SYNE1: variants seen among roughly 807,000 people sequenced by gnomAD.
The protein encoded by SYNE1 is nesprin-1.
A neutral mutation model predicts 1,111.0 loss-of-function variants in SYNE1; 616 were observed. The observed-to-expected ratio is 0.55, with a 90% CI of 0.52 to 0.59. SYNE1 has a LOEUF of 0.59. SYNE1 is among the 20% of genes least tolerant of loss of function. The probability of loss-of-function intolerance (pLI) is 0.00; values close to 1 mark genes in which losing one functional copy is unlikely to be tolerated. For synonymous variants in SYNE1, 3,855 were observed against 3,825.8 expected, an observed-to-expected ratio of 1.01 and a Z score of -0.28; for missense variants, 10,006 against 10,417.0, an observed-to-expected ratio of 0.96 and a Z score of 1.72.
chr6:152,253,996 A>T (rs2090189685), intron 104 of SYNE1, among the ~76,000 whole-genome samples: 1 of 151,472 alleles, frequency 6.6e-6, no homozygotes, highest in Admixed American at 6.6e-5. Context: ...AGGAATGAAA[A>T]ATCAGCACTA....
chr6:152,256,531 G>T, intron 102 of SYNE1, 103 bp downstream of exon 102: 1 of 1,497,976 alleles, frequency 6.7e-7, no homozygotes. Context: ...TGGGTCTCAT[G>T]CTCAGGGGTG....
At chr6:152,573,239 T>A (rs1022003050) in intron 3 of SYNE1, among the ~76,000 whole-genome samples, 8 of 152,010 alleles carry the variant, frequency 5.3e-5, no homozygotes, top group Admixed American at 2.0e-4. Context: ...CGTGCAGGTT[T>A]GTTACATATG....
rs769399873 is a variant in SYNE1, at chr6:152,353,658, C to T, written c.11013G>A (p.Val3671=). 6.2e-7 allele frequency: 1 copy of T among 1,614,206 alleles called. No homozygotes were observed. Among genetic ancestry groups the T allele is most frequent in the Non-Finnish European group, 8.5e-7 (1 of 1,180,048 alleles). Residue 3671 remains valine, a synonymous_variant, in exon 68 of 146, where the codon GTG becomes GTA. Transcript: ENST00000367255. ...TGGCCTGGCAACCCATTCTGCTGTTCACGTGGCTCTCGTCCAGTATCTCCT... is the reference window on the plus strand; with the variant it reads ...TGGCCTGGCAACCCATTCTGCTGTTTACGTGGCTCTCGTCCAGTATCTCCT... ...RAQEILDESH[V]NSRMGCQATQ...
chr6:152,331,749 C>T lies in SYNE1; in HGVS notation c.12936G>A (p.Glu4312=), dbSNP rs370697822. Residue 4312 remains glutamate, a synonymous_variant, in exon 78 of 146, where the codon GAG becomes GAA. Coordinates refer to ENST00000367255, the MANE Select transcript of SYNE1 (RefSeq NM_182961.4). ...MIEHLNLDDK[E]LVKEQTSHLE... is the part of the protein sequence containing the mutation. ...AATGACTCGTCTGTTCTTTGACTAA[C>T]TCCTTGTCATCTAAATTCAGATGCT... The T allele has an allele frequency of 1.9e-6, 3 of 1,614,086 alleles. No homozygotes were observed. The highest frequency in any genetic ancestry group is 2.5e-6 in the Non-Finnish European group (3 of 1,180,044).
chr6:152,230,792 C>T, intron 114 of SYNE1, 90 bp from the exon 115 acceptor site: 1 of 1,408,546 alleles, frequency 7.1e-7, no homozygotes, highest in Non-Finnish European at 9.8e-7. Flanking sequence ...GTATTTTCTC[C>T]AAATTAAGAA....
chr6:152,306,696 C>T (rs571869008), intron 91 of SYNE1, among the ~76,000 whole-genome samples: 49 of 145,704 alleles, frequency 3.4e-4, no homozygotes, highest in East Asian at 6.1e-4. Context: ...GATAACATGG[C>T]GAAACTCTGT....
intron 11 of SYNE1, among the ~76,000 whole-genome samples, chr6:152,494,758 C>A (rs954277891): frequency 1.7e-4 from 26 of 152,200 alleles, no homozygotes; most frequent in Non-Finnish European, 3.5e-4. Context: ...AAACTCTTCT[C>A]AAGGCTGCTT....
chr6:152,499,720 A>G (rs970465439), intron 10 of SYNE1, among the ~76,000 whole-genome samples: 6 of 152,180 alleles, frequency 3.9e-5, no homozygotes, highest in African/African-American at 1.4e-4. Flanking sequence ...TTAGATGTTT[A>G]TGTACTACAT....
chr6:152,180,224 T>C lies in SYNE1; in HGVS notation c.23372A>G (p.Glu7791Gly), dbSNP rs1476198297. The change falls in exon 129 of 146, where the codon GAA becomes GGA. Residue 7791 changes from glutamate (E) to glycine (G), a missense_variant. Glu to Gly is a moderately conservative substitution (Grantham distance 98). Coordinates refer to ENST00000367255, the MANE Select transcript of SYNE1 (RefSeq NM_182961.4). ...CATTTGAGTCAACCACTCACAGAGTTCCTTGTTCTTTTCACTGAAGACTGC... is the reference window on the plus strand; with the variant it reads ...CATTTGAGTCAACCACTCACAGAGTCCCTTGTTCTTTTCACTGAAGACTGC... ...EWAVFSEKNKELCEWLTQMES... is the reference protein window; with the variant it reads ...EWAVFSEKNKGLCEWLTQMES... 1.2e-6 allele frequency: 2 copies of C among 1,614,146 alleles called. No homozygotes were observed. Among genetic ancestry groups the C allele is most frequent in the Non-Finnish European group, 8.5e-7 (1 of 1,179,988 alleles).
chr6:152,189,011 A>G (rs2071383594), intron 128 of SYNE1, among the ~76,000 whole-genome samples: 1 of 132,104 alleles, frequency 7.6e-6, no homozygotes, highest in East Asian at 2.2e-4. Context: ...ATATATATAT[A>G]TATATATAAA....
At chr6:152,353,224 C>T (rs779559976) in intron 69 of SYNE1, 39 bp downstream of exon 69, 69 of 1,613,024 alleles carry the variant, frequency 4.3e-5, no homozygotes, top group South Asian at 1.3e-4. Flanking sequence ...GCTTGGTGAA[C>T]GGAAAGGTTG....
intron 101 of SYNE1, among the ~76,000 whole-genome samples, chr6:152,260,431 C>T (rs1471572650): frequency 3.9e-5 from 6 of 152,246 alleles, no homozygotes; most frequent in East Asian, 1.9e-4. Context: ...AGGGTGGATA[C>T]GATTCTGGGA....
chr6:152,621,732 A>G (rs2099675978), intron 3 of SYNE1, among the ~76,000 whole-genome samples: 1 of 152,152 alleles, frequency 6.6e-6, no homozygotes, highest in Admixed American at 6.6e-5. Context: ...AGGACCAAGC[A>G]CTACACAAAT....
chr6:152,516,677 C>T (rs1312956074), intron 6 of SYNE1, among the ~76,000 whole-genome samples: 1 of 152,156 alleles, frequency 6.6e-6, no homozygotes, highest in East Asian at 1.9e-4. Context: ...CTCCCAGGCT[C>T]AAGAGATCCT....
chr6:152,182,129 T>C (rs1249425617), intron 128 of SYNE1, among the ~76,000 whole-genome samples: 4 of 152,228 alleles, frequency 2.6e-5, no homozygotes, highest in Admixed American at 2.6e-4. Flanking sequence ...TGAGAGTTTC[T>C]TATACATTAT....
intron 143 of SYNE1, 134 bp downstream of exon 143, chr6:152,133,142 T>C (rs2056257995): frequency 1.2e-6 from 1 of 853,988 alleles, no homozygotes; most frequent in Non-Finnish European, 2.0e-6. Context: ...ACAGGACTTG[T>C]AAGAGCAGTG....
chr6:152,376,625 T>G lies in SYNE1; in HGVS notation c.9147-67A>C, dbSNP rs2097286565. 7 of 1,591,998 alleles carry G rather than the reference T, an allele frequency of 4.4e-6. No homozygotes were observed. The South Asian group carries it at 7.8e-5, about 18-fold the overall frequency. On this transcript the variant is annotated intron_variant, in intron 57 of 145. Transcript: ENST00000367255. The stretch of plus-strand genomic sequence containing the variant: ...TAAAGTTGATGAAAATCATGTTTGA[T>G]AGAATCACCAGTTCTTAGAATGTGC...
intron 34 of SYNE1, among the ~76,000 whole-genome samples, chr6:152,432,071 C>T (rs1563976531): frequency 6.6e-6 from 1 of 152,074 alleles, no homozygotes; most frequent in Non-Finnish European, 1.5e-5. Context: ...ATCACTCAAT[C>T]ATATTGTTGG....
chr6:152,143,669 C>T lies in SYNE1; in HGVS notation c.25073G>A (p.Ser8358Asn), dbSNP rs2152831854. The change falls in exon 138 of 146, where the codon AGC (serine) becomes AAC (asparagine). Residue 8358 changes from serine (S) to asparagine (N), a missense_variant. Physicochemically the swap from Ser to Asn is conservative, Grantham distance 46. Coordinates refer to ENST00000367255, the MANE Select transcript of SYNE1 (RefSeq NM_182961.4). ...TAGCTCCGGCCCCGTGGGAGTTTTG[C>T]TGCGAATGATATTTTCGGTTTGCTG... ...QIQQTENIIR[S>N]KTPTGPELDT... The T allele has an allele frequency of 6.2e-7, 1 of 1,614,178 alleles. No homozygotes were observed. The highest frequency in any genetic ancestry group is 8.5e-7 in the Non-Finnish European group (1 of 1,180,042).
Sources: gnomAD v4.1 joint callset for allele counts (sites outside exome capture counted in the v4.1 genomes callset) on GRCh38, gnomAD v4.1.1 for gene constraint, MANE v1.5 for transcripts, NCBI Gene and HGNC (gene_info 2026-07-23, HGNC 2026-07-21) for gene names.